Variants in MATN2 observed in about 807,000 individuals in gnomAD.
MATN2 encodes matrilin-2.
Under a neutral mutation model 103.2 loss-of-function variants are expected in MATN2, and 69 were observed. The observed-to-expected ratio is 0.67, with a 90% CI of 0.55 to 0.82. The LOEUF is 0.82. MATN2 is among the 40% of genes least tolerant of loss of function. The pLI, the probability that MATN2 is intolerant of heterozygous loss-of-function variation, is 0.00. For synonymous variants in MATN2, 429 were observed against 450.2 expected (o/e 0.95, Z 0.60); for missense variants, 1,023 against 1,211.5 (o/e 0.84, Z 2.31).
chr8:97,893,136 C>A (rs772145895), intron 2 of MATN2, among the ~76,000 whole-genome samples: 1 of 152,176 alleles, frequency 6.6e-6, no homozygotes, highest in African/African-American at 2.4e-5. Context: ...CTGTACTCTC[C>A]GGACAGACTT....
chr8:97,885,982 G>A (rs978906883), intron 1 of MATN2, among the ~76,000 whole-genome samples: 7 of 152,156 alleles, frequency 4.6e-5, no homozygotes, highest in South Asian at 4.1e-4. Flanking sequence ...GCTCCCCATC[G>A]CCTGTGTTAC....
rs149639022 is a variant in MATN2 at position 97,877,073 on chromosome 8, G to A, written c.-27+7786G>A. ...CAGGCTGAAGCACAGTGGCATGATC[G>A]TAGTTCACTGCAGCCTCAACCTCCT... is the stretch of plus-strand genomic sequence containing the variant. On this transcript the variant is annotated intron_variant, in intron 1 of 18. Transcript: ENST00000254898. 1.7e-3 allele frequency among the ~76,000 whole-genome samples: 255 copies of A among 148,096 alleles called. 5 individuals are homozygous for A. The East Asian group carries it at 0.041, about 24-fold the overall frequency.
At chr8:98,019,304 T>C (rs1443065159) in intron 12 of MATN2, among the ~76,000 whole-genome samples, 1 of 152,128 alleles carries the variant, frequency 6.6e-6, no homozygotes, top group Non-Finnish European at 1.5e-5. Context: ...TGTCAGGGGC[T>C]GGCAAGTTCT....
chr8:97,931,032 A>C lies in MATN2; in HGVS notation c.222A>C (p.Ala74=), dbSNP rs367834031. 37 of 1,613,898 alleles carry C rather than the reference A, an allele frequency of 2.3e-5. No homozygotes were observed. The African/African-American group carries it at 4.7e-4, about 20-fold the overall frequency. ...GCAGTGTCAACACCCATGACTATGC[A>C]AAGGTCAAGGAGTTCATCGTGGACA... ...SSRSVNTHDY[A]KVKEFIVDIL... The change falls in exon 3 of 19, where the codon GCA becomes GCC. Residue 74 remains alanine (A), a synonymous_variant. Coordinates refer to ENST00000254898, the MANE Select transcript of MATN2 (RefSeq NM_002380.5). The surrounding 1 kb of genome is among the most constrained non-coding windows in gnomAD (Gnocchi z 4.1).
In MATN2 at chr8:97,957,458, G is replaced by A. The variant is rs1019941133; in HGVS notation, c.836-3950G>A. Among the ~76,000 whole-genome samples, 27 of 152,232 alleles carry A rather than the reference G, an allele frequency of 1.8e-4. 1 individual carries two copies. The highest frequency in any genetic ancestry group is 4.1e-4 in the South Asian group (2 of 4,830). On this transcript the variant is annotated intron_variant, in intron 4 of 18. Transcript: ENST00000254898. Reference sequence around the variant, plus strand: ...TGTTTAATTAGATTAATCCCTGAATGGTTTCCCTTGGGTCGGTACAAATCG... The same window carrying A: ...TGTTTAATTAGATTAATCCCTGAATAGTTTCCCTTGGGTCGGTACAAATCG...
chr8:97,993,203 G>C (rs1266696970), intron 6 of MATN2, among the ~76,000 whole-genome samples: 1 of 152,080 alleles, frequency 6.6e-6, no homozygotes, highest in Non-Finnish European at 1.5e-5. Flanking sequence ...TTCCTTTCAA[G>C]AATATTGTAT....
chr8:97,993,050 A>C (rs1180937432), intron 6 of MATN2, among the ~76,000 whole-genome samples: 1 of 152,122 alleles, frequency 6.6e-6, no homozygotes, highest in African/African-American at 2.4e-5. Flanking sequence ...GCAGCCATAG[A>C]TTGATTCTCC....
chr8:97,947,183 C>G (rs1214677262), intron 4 of MATN2, among the ~76,000 whole-genome samples: 1 of 152,112 alleles, frequency 6.6e-6, no homozygotes, highest in East Asian at 1.9e-4. Flanking sequence ...ACCAACCTAG[C>G]TAACATGGCA....
At chr8:98,017,235 ATC>A (rs1813396058) in intron 11 of MATN2, among the ~76,000 whole-genome samples, 1 of 152,200 alleles carries the variant, frequency 6.6e-6, no homozygotes, top group South Asian at 2.1e-4. Flanking sequence ...CTGCTTATTT[ATC>A]TTTAATAATG....
At chr8:97,892,043 C>G (rs1279256199) in intron 2 of MATN2, among the ~76,000 whole-genome samples, 3 of 151,854 alleles carry the variant, frequency 2.0e-5, no homozygotes, top group Non-Finnish European at 4.4e-5. Context: ...TTGAGACCAG[C>G]CTGGCCAACA....
At position 98,036,631 on chromosome 8, in the gene MATN2, T is replaced by C. The variant is rs1814258816; in HGVS notation, c.*919T>C. 6.6e-6 allele frequency: 1 copy of C among 152,200 alleles called. No individual in the cohort carries two copies. Among genetic ancestry groups the C allele is most frequent in the African/African-American group, 2.4e-5 (1 of 41,452 alleles). 9.4% of individuals were successfully genotyped at this position (152,200 alleles called of 1,614,324 possible). A position where few individuals can be genotyped will look rare whatever the true frequency, so the allele number is the denominator to read the frequency against. ...TAAACATCATCAGAAGGGGAACTGATAAACTCTGGTGTAATCCATACCACA... is the reference window on the plus strand; with the variant it reads ...TAAACATCATCAGAAGGGGAACTGACAAACTCTGGTGTAATCCATACCACA... On this transcript the variant is annotated 3_prime_UTR_variant, in exon 19 of 19. Coordinates refer to ENST00000254898, the MANE Select transcript of MATN2 (RefSeq NM_002380.5).
chr8:98,014,087 G>A (rs907330097), intron 10 of MATN2, among the ~76,000 whole-genome samples: 7 of 152,020 alleles, frequency 4.6e-5, no homozygotes, highest in African/African-American at 9.7e-5. Flanking sequence ...CAGCCTGGGC[G>A]ACAGAGCAAG....
chr8:97,891,797 A>G lies in MATN2; in HGVS notation c.142+3555A>G, dbSNP rs956972591. ...ATCAGAATGTGTTAACAAACTATAT[A>G]TGTATAAAAAACTATATTTTCTGGC... On this transcript the variant is annotated intron_variant, in intron 2 of 18. Coordinates refer to ENST00000254898, the MANE Select transcript of MATN2 (RefSeq NM_002380.5). Among the ~76,000 whole-genome samples, 5 of 152,262 alleles carry G rather than the reference A, an allele frequency of 3.3e-5. No individual in the cohort carries two copies. In the East Asian group the frequency reaches 9.6e-4, roughly 29 times the overall value.
Position 97,893,330 on chromosome 8 carries a change from A to C in MATN2, c.142+5088A>C, listed in dbSNP as rs1818696358. On this transcript the variant is annotated intron_variant, in intron 2 of 18. Coordinates refer to ENST00000254898, the MANE Select transcript of MATN2 (RefSeq NM_002380.5). ...TGGATTCTTCCCCTTGACCAGCCTT[A>C]TCAGTGGCACCCATCCCCTTCCACA... Among the ~76,000 whole-genome samples, 2 of 152,122 alleles carry C rather than the reference A, an allele frequency of 1.3e-5. 1 individual carries two copies. Among genetic ancestry groups the C allele is most frequent in the South Asian group, 4.1e-4 (2 of 4,826 alleles).
At chr8:97,890,479 AAG>A in intron 2 of MATN2, among the ~76,000 whole-genome samples, 1 of 151,818 alleles carries the variant, frequency 6.6e-6, no homozygotes, top group African/African-American at 2.4e-5. Flanking sequence ...AAAAAAAAAA[AAG>A]AAAATAGTGG....
chr8:97,998,706 G>C (rs1812686026), intron 7 of MATN2, among the ~76,000 whole-genome samples: 1 of 138,820 alleles, frequency 7.2e-6, no homozygotes, highest in South Asian at 2.2e-4. Flanking sequence ...TTACAACATA[G>C]TTGTACCTCT....
intron 6 of MATN2, among the ~76,000 whole-genome samples, chr8:97,992,745 CAAAA>C (rs58985201): frequency 8.1e-5 from 4 of 49,594 alleles, no homozygotes; most frequent in Admixed American, 2.8e-4. Context: ...GACTCCATCT[CAAAA>C]AAAAAAAAAA....
intron 1 of MATN2, among the ~76,000 whole-genome samples, chr8:97,883,986 T>G (rs906893543): frequency 8.5e-5 from 13 of 152,100 alleles, no homozygotes; most frequent in Non-Finnish European, 1.9e-4. Flanking sequence ...AAAGAAAGTT[T>G]TAAATATTTT....
chr8:97,956,075 C>T (rs573188502), intron 4 of MATN2, among the ~76,000 whole-genome samples: 23 of 152,340 alleles, frequency 1.5e-4, no homozygotes, highest in East Asian at 1.9e-4. Context: ...ATTGAAGAGA[C>T]GGTGTTACAG....
Sources: gnomAD v4.1 joint callset for allele counts (sites outside exome capture counted in the v4.1 genomes callset) on GRCh38, gnomAD v4.1.1 for gene constraint, Gnocchi (gnomAD v3.1) non-coding constraint, MANE v1.5 for transcripts, NCBI Gene and HGNC (gene_info 2026-07-23, HGNC 2026-07-21) for gene names.